CSMD1: variants seen among roughly 807,000 people sequenced by gnomAD.
CSMD1 encodes the protein CUB and sushi domain-containing protein 1.
A neutral mutation model predicts 417.5 loss-of-function variants in CSMD1; 213 were observed. The observed-to-expected ratio is 0.51, with a 90% CI of 0.46 to 0.57. CSMD1 has a LOEUF of 0.57. Among genes scored for constraint, CSMD1 ranks in the 20% least tolerant of loss-of-function variants. The pLI, the probability that CSMD1 is intolerant of heterozygous loss-of-function variation, is 0.00. For missense variants in CSMD1, 6,923 were observed against 4,529.7 expected (o/e 1.53, Z -15.17); for synonymous variants, 2,862 against 1,736.8 (o/e 1.65, Z -16.11).
At chr8:4,469,414 G>C (rs1800390135) in intron 2 of CSMD1, among the ~76,000 whole-genome samples, 1 of 152,218 alleles carries the variant, frequency 6.6e-6, no homozygotes, top group Non-Finnish European at 1.5e-5. Flanking sequence ...CGTATTTTCA[G>C]ATTACAAGTA....
chr8:4,214,583 C>T (rs1219470780), intron 3 of CSMD1, among the ~76,000 whole-genome samples: 2 of 152,160 alleles, frequency 1.3e-5, no homozygotes, highest in Admixed American at 6.5e-5. Flanking sequence ...CAGGCATGAG[C>T]CACTGTGCCT....
Position 3,209,495 on chromosome 8 carries a change from T to A in CSMD1, c.4868-3875A>T, listed in dbSNP as rs554094771. 4.6e-5 allele frequency among the ~76,000 whole-genome samples: 7 copies of A among 152,016 alleles called. No homozygotes were observed. The South Asian group carries it at 1.5e-3, about 32-fold the overall frequency. On this transcript the variant is annotated intron_variant, in intron 30 of 69. Transcript: ENST00000635120. ...CCATGCCCGGCTAATTTTTTTGTAA[T>A]TTTTTAGTGGAAACGGGGTTTCACC...
intron 3 of CSMD1, among the ~76,000 whole-genome samples, chr8:4,354,919 G>C (rs1331661391): frequency 2.5e-5 from 3 of 119,874 alleles, no homozygotes; most frequent in East Asian, 5.7e-4. Context: ...TTAAATATTT[G>C]AGTATTTTCA....
At chr8:4,875,593 G>C (rs1802996775) in intron 1 of CSMD1, among the ~76,000 whole-genome samples, 1 of 152,038 alleles carries the variant, frequency 6.6e-6, no homozygotes, top group South Asian at 2.1e-4. Flanking sequence ...AGCTGGTTTT[G>C]CCCTCTAAGC....
chr8:4,126,550 T>C (rs1421295563), intron 3 of CSMD1, among the ~76,000 whole-genome samples: 1 of 152,156 alleles, frequency 6.6e-6, no homozygotes, highest in Admixed American at 6.5e-5. Flanking sequence ...AGGCCACTGA[T>C]CCACAATTGT....
chr8:4,749,078 G>A (rs536115968), intron 1 of CSMD1, among the ~76,000 whole-genome samples: 62 of 152,270 alleles, frequency 4.1e-4, no homozygotes, highest in African/African-American at 1.3e-3. Context: ...GTGAGCGCAC[G>A]CTCGCCTGCC....
chr8:4,303,007 A>C (rs991440305), intron 3 of CSMD1, among the ~76,000 whole-genome samples: 1 of 152,148 alleles, frequency 6.6e-6, no homozygotes, highest in African/African-American at 2.4e-5. Context: ...ACAAAATCCA[A>C]GAAAATCAGG....
At chr8:3,116,216 T>C (rs1816858323) in intron 42 of CSMD1, among the ~76,000 whole-genome samples, 1 of 152,224 alleles carries the variant, frequency 6.6e-6, no homozygotes, top group Admixed American at 6.5e-5. Context: ...ATCCTTTATA[T>C]AGGTCCTCTA....
At chr8:4,235,800 A>G (rs1038959598) in intron 3 of CSMD1, among the ~76,000 whole-genome samples, 1 of 152,062 alleles carries the variant, frequency 6.6e-6, no homozygotes, top group Non-Finnish European at 1.5e-5. Context: ...TCTTTGAAAC[A>G]TTTGTTTTTG....
intron 18 of CSMD1, among the ~76,000 whole-genome samples, chr8:3,374,696 G>T (rs945866776): frequency 2.0e-5 from 3 of 152,116 alleles, no homozygotes; most frequent in African/African-American, 4.8e-5. Context: ...ATGGTAGCAG[G>T]GTGCCCCGAG....
At chr8:4,007,296 A>T (rs1377723083) in intron 4 of CSMD1, among the ~76,000 whole-genome samples, 1 of 152,188 alleles carries the variant, frequency 6.6e-6, no homozygotes, top group African/African-American at 2.4e-5. Context: ...GTGAGCTGGA[A>T]TGTTGGCTTC....
At chr8:3,640,076 A>G (rs1227570477) in intron 7 of CSMD1, among the ~76,000 whole-genome samples, 7 of 152,230 alleles carry the variant, frequency 4.6e-5, no homozygotes, top group Non-Finnish European at 8.8e-5. Context: ...GCAGCAACTT[A>G]TTTTAAAAAT....
chr8:3,822,217 TG>T (rs1327575311), intron 5 of CSMD1, among the ~76,000 whole-genome samples: 1 of 152,192 alleles, frequency 6.6e-6, no homozygotes, highest in African/African-American at 2.4e-5. Context: ...CTAGACACTC[TG>T]CCATGTGCCT....
At chr8:3,785,093 T>A (rs1477167856) in intron 5 of CSMD1, among the ~76,000 whole-genome samples, 1 of 152,202 alleles carries the variant, frequency 6.6e-6, no homozygotes, top group East Asian at 1.9e-4. Flanking sequence ...GGGTCAAGAT[T>A]GACTGAATTT....
At chr8:4,093,188 T>C (rs942010949) in intron 3 of CSMD1, among the ~76,000 whole-genome samples, 1 of 152,174 alleles carries the variant, frequency 6.6e-6, no homozygotes, top group African/African-American at 2.4e-5. Context: ...AACAGAAAAT[T>C]TGAAGTTTCA....
intron 3 of CSMD1, among the ~76,000 whole-genome samples, chr8:4,125,724 A>G (rs1802725562): frequency 6.6e-6 from 1 of 152,176 alleles, no homozygotes; most frequent in South Asian, 2.1e-4. Context: ...GAAGGAATTC[A>G]GTTCACAGTT....
chr8:3,896,165 A>C (rs1807347986), intron 5 of CSMD1, among the ~76,000 whole-genome samples: 1 of 152,202 alleles, frequency 6.6e-6, no homozygotes, highest in African/African-American at 2.4e-5. Context: ...GTAATGATTA[A>C]GACACAACAA....
At chr8:4,784,336 C>G (rs1797297941) in intron 1 of CSMD1, among the ~76,000 whole-genome samples, 1 of 152,196 alleles carries the variant, frequency 6.6e-6, no homozygotes, top group South Asian at 2.1e-4. Flanking sequence ...AGCATTCTGT[C>G]TAGGAAAATT....
chr8:4,610,904 G>T (rs762035287), intron 2 of CSMD1, among the ~76,000 whole-genome samples: 58 of 152,174 alleles, frequency 3.8e-4, no homozygotes, highest in Non-Finnish European at 8.4e-4. Context: ...AATTGTCCAT[G>T]AGGAGTTATA....
Sources: allele counts gnomAD v4.1 joint callset (sites outside exome capture counted in the v4.1 genomes callset), GRCh38; gene constraint gnomAD v4.1.1; transcripts MANE v1.5; gene names NCBI Gene and HGNC (gene_info 2026-07-23, HGNC 2026-07-21).